PLCXD3: variants seen among roughly 807,000 people sequenced by gnomAD.
PLCXD3 encodes phosphatidylinositol specific phospholipase C X domain containing 3, also known as PI-PLC X domain-containing protein 3.
Under a neutral mutation model 25.5 loss-of-function variants are expected in PLCXD3, and 19 were observed. The ratio of observed to expected loss-of-function variants is 0.75; its 90% CI spans 0.52 to 1.09. PLCXD3 has a LOEUF of 1.09. Among genes scored for constraint, PLCXD3 ranks in the 50% least tolerant of loss-of-function variants. PLCXD3 has a pLI of 0.00. For missense variants in PLCXD3, 411 were observed against 388.1 expected (o/e 1.06, Z -0.50); for synonymous variants, 174 against 137.6 (o/e 1.26, Z -1.85).
rs79659919 is a variant in PLCXD3 at position 41,354,580 on chromosome 5, C to T, written c.812+27246G>A. Reference sequence around the variant, plus strand: ...AGTTTAGCCCATAGTCATATGGTATCTAAATTACTTGCCACAGCCTCATTC... The same window carrying T: ...AGTTTAGCCCATAGTCATATGGTATTTAAATTACTTGCCACAGCCTCATTC... On this transcript the variant is annotated intron_variant, in intron 2 of 2. Transcript: ENST00000377801. 3.7e-4 allele frequency among the ~76,000 whole-genome samples: 56 copies of T among 152,246 alleles called. No homozygotes were observed. In the East Asian group the frequency reaches 6.9e-3, roughly 19 times the overall value.
intron 1 of PLCXD3, among the ~76,000 whole-genome samples, chr5:41,503,119 A>G (rs1348476091): frequency 6.6e-6 from 1 of 152,164 alleles, no homozygotes; most frequent in Non-Finnish European, 1.5e-5. Flanking sequence ...AGCCTGAGAC[A>G]TGCATTGAAG....
chr5:41,376,634 G>T (rs997177031), intron 2 of PLCXD3, among the ~76,000 whole-genome samples: 1 of 151,954 alleles, frequency 6.6e-6, no homozygotes, highest in Non-Finnish European at 1.5e-5. Flanking sequence ...ATCCATCTCT[G>T]CCTATCCCAG....
chr5:41,447,006 A>G (rs1267254387), intron 1 of PLCXD3, among the ~76,000 whole-genome samples: 1 of 152,250 alleles, frequency 6.6e-6, no homozygotes, highest in Non-Finnish European at 1.5e-5. Context: ...ATGTTCAGAA[A>G]TAACATCCAC....
At chr5:41,507,219 T>G (rs1185460741) in intron 1 of PLCXD3, among the ~76,000 whole-genome samples, 6 of 152,196 alleles carry the variant, frequency 3.9e-5, no homozygotes, top group African/African-American at 7.2e-5. Context: ...TGCTTTCATC[T>G]CTGTTTATCC....
intron 2 of PLCXD3, among the ~76,000 whole-genome samples, chr5:41,359,100 G>A (rs1744701343): frequency 6.6e-6 from 1 of 152,134 alleles, no homozygotes; most frequent in Non-Finnish European, 1.5e-5. Context: ...TTTTTGATAT[G>A]CTGTTGGATT....
intron 1 of PLCXD3, among the ~76,000 whole-genome samples, chr5:41,419,449 C>T (rs1746768399): frequency 6.6e-6 from 1 of 152,094 alleles, no homozygotes; most frequent in African/African-American, 2.4e-5. Flanking sequence ...TAGAAAACAA[C>T]ATATCATATA....
At chr5:41,340,120 G>C (rs1207098803) in intron 2 of PLCXD3, among the ~76,000 whole-genome samples, 11 of 150,190 alleles carry the variant, frequency 7.3e-5, no homozygotes, top group Non-Finnish European at 5.9e-5. Flanking sequence ...TTGTATAGAT[G>C]CTGCTCTCCT....
At chr5:41,401,044 C>CT (rs757784928) in intron 1 of PLCXD3, among the ~76,000 whole-genome samples, 29 of 151,572 alleles carry the variant, frequency 1.9e-4, no homozygotes, top group Non-Finnish European at 3.4e-4. Flanking sequence ...TTATTTGACA[C>CT]TTTTTTTTGA....
intron 2 of PLCXD3, among the ~76,000 whole-genome samples, chr5:41,317,729 T>C (rs1234973158): frequency 6.6e-6 from 1 of 151,730 alleles, no homozygotes; most frequent in Non-Finnish European, 1.5e-5. Flanking sequence ...ATTGGTATAC[T>C]AAAGAATGCA....
intron 1 of PLCXD3, among the ~76,000 whole-genome samples, chr5:41,431,308 A>G (rs771567324): frequency 4.6e-5 from 7 of 152,178 alleles, no homozygotes; most frequent in Non-Finnish European, 1.0e-4. Flanking sequence ...TTTAATTTAC[A>G]CTCCTCTGAA....
chr5:41,443,814 A>C (rs992740729), intron 1 of PLCXD3, among the ~76,000 whole-genome samples: 2 of 152,222 alleles, frequency 1.3e-5, no homozygotes, highest in African/African-American at 4.8e-5. Context: ...CCTAAGTATA[A>C]GCACCAGGAC....
intron 2 of PLCXD3, among the ~76,000 whole-genome samples, chr5:41,354,598 C>T (rs1175523438): frequency 6.6e-6 from 1 of 152,132 alleles, no homozygotes; most frequent in Non-Finnish European, 1.5e-5. Flanking sequence ...CTTGCCACAG[C>T]CTCATTCAAT....
intron 1 of PLCXD3, among the ~76,000 whole-genome samples, chr5:41,412,999 G>A (rs1037690): frequency 0.63 from 95,332 of 152,010 alleles, 30,399 homozygotes; most frequent in South Asian, 0.74. Context: ...AAGAAGTAAC[G>A]ACATGACAAC....
chr5:41,349,416 T>G (rs922464815), intron 2 of PLCXD3, among the ~76,000 whole-genome samples: 16 of 152,176 alleles, frequency 1.1e-4, no homozygotes, highest in African/African-American at 3.9e-4. Context: ...TTGGAGATGG[T>G]TAAATGCTCC....
chr5:41,418,233 AACAC>A (rs202051830), intron 1 of PLCXD3, among the ~76,000 whole-genome samples: 1 of 152,096 alleles, frequency 6.6e-6, no homozygotes, highest in Non-Finnish European at 1.5e-5. Flanking sequence ...TTTCATTTAA[AACAC>A]ACACACACAA....
At chr5:41,320,699 T>C (rs1285491572) in intron 2 of PLCXD3, among the ~76,000 whole-genome samples, 1 of 152,208 alleles carries the variant, frequency 6.6e-6, no homozygotes, top group African/African-American at 2.4e-5. Context: ...GTTTTCACTG[T>C]GTTAGCCAGG....
chr5:41,411,976 C>A (rs1282156808), intron 1 of PLCXD3, among the ~76,000 whole-genome samples: 2 of 144,190 alleles, frequency 1.4e-5, no homozygotes, highest in African/African-American at 2.5e-5. Flanking sequence ...ATATATGTAT[C>A]CATATATATC....
At chr5:41,414,825 C>T (rs963085747) in intron 1 of PLCXD3, among the ~76,000 whole-genome samples, 1 of 152,198 alleles carries the variant, frequency 6.6e-6, no homozygotes, top group Non-Finnish European at 1.5e-5. Context: ...CTACACTACC[C>T]ACTCCTTAGT....
In PLCXD3 at chr5:41,311,651, A is replaced by G. The variant is rs1408291401; in HGVS notation, c.*1966T>C. 3 of 152,158 alleles carry G rather than the reference A, an allele frequency of 2.0e-5. No homozygotes were observed. Among genetic ancestry groups the G allele is most frequent in the Non-Finnish European group, 4.4e-5 (3 of 68,010 alleles). 9.4% of individuals were successfully genotyped at this position (152,158 alleles called of 1,614,324 possible). A position where few individuals can be genotyped will look rare whatever the true frequency, so the allele number is the denominator to read the frequency against. ...AATGTATACACACATTTTTGTGTGTACATGTATGCTATTTGGTATACCACA... is the reference window on the plus strand; with the variant it reads ...AATGTATACACACATTTTTGTGTGTGCATGTATGCTATTTGGTATACCACA... On this transcript the variant is annotated 3_prime_UTR_variant, in exon 3 of 3. Transcript: ENST00000377801.
Sources: allele counts gnomAD v4.1 joint callset (sites outside exome capture counted in the v4.1 genomes callset), GRCh38; gene constraint gnomAD v4.1.1; transcripts MANE v1.5; gene names NCBI Gene and HGNC (gene_info 2026-07-23, HGNC 2026-07-21).